The following KHDC1 variants were observed in gnomAD, a reference collection of about 807,000 sequenced individuals.
KHDC1 encodes the protein KH homology domain-containing protein 1.
KHDC1 carries 21 observed loss-of-function variants against 24.7 expected under a neutral mutation model. The ratio of observed to expected loss-of-function variants is 0.85; its 90% CI spans 0.60 to 1.23. The LOEUF is 1.23. KHDC1 is among the 50% of genes most tolerant of loss of function. The pLI is 0.00. For missense variants in KHDC1, 274 were observed against 298.5 expected (o/e 0.92, Z 0.61); for synonymous variants, 98 against 111.7 (o/e 0.88, Z 0.77).
chr6:73,280,739 C>T (rs1220349045), intron 2 of KHDC1, among the ~76,000 whole-genome samples: 1 of 151,850 alleles, frequency 6.6e-6, no homozygotes, highest in Non-Finnish European at 1.5e-5. Context: ...AGGCTGGTCT[C>T]AAACTCCAGA....
At chr6:73,279,323 G>A (rs35833551) in intron 2 of KHDC1, among the ~76,000 whole-genome samples, 4,733 of 152,168 alleles carry the variant, frequency 0.031, 109 homozygotes, top group Non-Finnish European at 0.049. Flanking sequence ...CAGGAGAATT[G>A]CTTGAACCTG....
rs369611184 is a variant in KHDC1 at position 73,248,090 on chromosome 6, G to A, written c.207-5560C>T. ...CCTCCAACAAGTCTGTTCAGGGACA[G>A]CAGTGGAGTCCCAGACCTGGCATCA... On this transcript the variant is annotated intron_variant, in intron 2 of 4. Transcript: ENST00000370384. 4.6e-5 allele frequency among the ~76,000 whole-genome samples: 7 copies of A among 152,288 alleles called. No individual in the cohort carries two copies. In the East Asian group the frequency reaches 9.7e-4, roughly 21 times the overall value.
At chr6:73,241,970 A>G in intron 4 of KHDC1, 85 bp downstream of exon 3, 1 of 1,413,646 alleles carries the variant, frequency 7.1e-7, no homozygotes, top group Non-Finnish European at 9.6e-7. Flanking sequence ...CACACAAGGG[A>G]TTCTTCAAGA....
intron 2 of KHDC1, among the ~76,000 whole-genome samples, chr6:73,281,403 G>T (rs1361727871): frequency 4.0e-5 from 6 of 150,900 alleles, no homozygotes. Flanking sequence ...TTTCCTGAAG[G>T]TCAAGAGTTC....
intron 1 of KHDC1, among the ~76,000 whole-genome samples, chr6:73,306,708 A>G (rs1404233011): frequency 6.6e-6 from 1 of 152,056 alleles, no homozygotes; most frequent in African/African-American, 2.4e-5. Flanking sequence ...GTTGAAGACT[A>G]TTTAGAAAAT....
chr6:73,243,170 T>A (rs1432993199), intron 2 of KHDC1, among the ~76,000 whole-genome samples: 4 of 150,246 alleles, frequency 2.7e-5, no homozygotes, highest in Non-Finnish European at 5.9e-5. Flanking sequence ...GTCTTCATTG[T>A]GGAATGTTCT....
At chr6:73,303,976 C>G (rs1344505204) in intron 1 of KHDC1, among the ~76,000 whole-genome samples, 1 of 152,052 alleles carries the variant, frequency 6.6e-6, no homozygotes, top group Admixed American at 6.6e-5. Context: ...GTCAAGAGCT[C>G]GAAACCAGCC....
intron 2 of KHDC1, among the ~76,000 whole-genome samples, chr6:73,281,602 A>T (rs1238698251): frequency 1.4e-5 from 2 of 142,904 alleles, no homozygotes; most frequent in Admixed American, 7.1e-5. Flanking sequence ...GGGCAGTAAG[A>T]GTGAAACTTC....
intron 2 of KHDC1, among the ~76,000 whole-genome samples, chr6:73,244,983 GA>G (rs1323538449): frequency 1.3e-5 from 2 of 152,096 alleles, no homozygotes; most frequent in African/African-American, 4.8e-5. Flanking sequence ...AAAAGCACAA[GA>G]AAGTTTTGCC....
At chr6:73,298,423 A>ATTTTTTTTTT (rs370446904) in intron 1 of KHDC1, among the ~76,000 whole-genome samples, 4 of 59,976 alleles carry the variant, frequency 6.7e-5, no homozygotes, top group East Asian at 6.2e-4. Flanking sequence ...TACTTTGCAA[A>ATTTTTTTTTT]TTTTTTTTTT....
chr6:73,274,007 C>T (rs1020272964), intron 2 of KHDC1: 9 of 152,194 alleles, frequency 5.9e-5, no homozygotes, highest in African/African-American at 2.2e-4. Context: ...GTCCCAGCTA[C>T]TTGGGAAGAT....
At chr6:73,304,383 A>G (rs914319590) in intron 1 of KHDC1, among the ~76,000 whole-genome samples, 5 of 152,182 alleles carry the variant, frequency 3.3e-5, no homozygotes, top group African/African-American at 1.2e-4. Context: ...TACATATAAA[A>G]TATGCATATA....
intron 1 of KHDC1, among the ~76,000 whole-genome samples, chr6:73,309,101 G>T (rs1768030178): frequency 6.6e-6 from 1 of 152,234 alleles, no homozygotes; most frequent in Non-Finnish European, 1.5e-5. Flanking sequence ...GATTACAGGC[G>T]TGAGCCAACG....
chr6:73,277,465 C>CA lies in KHDC1; in HGVS notation c.206+14532dup, dbSNP rs910800830. ...GGGTGACAGAGCAAGACTCTGTCTC[C>CA]AAAAAAAACAGAACAAGTCTGTCAT... On this transcript the variant is annotated intron_variant, in intron 2 of 4. Transcript: ENST00000370384. Among the ~76,000 whole-genome samples, 414 of 150,900 alleles carry CA rather than the reference C, an allele frequency of 2.7e-3. 1 individual carries two copies. Among genetic ancestry groups the CA allele is most frequent in the African/African-American group, 8.9e-3 (367 of 41,162 alleles).
At chr6:73,292,199 C>T in intron 1 of KHDC1, 1 of 1,470,154 alleles carries the variant, frequency 6.8e-7, no homozygotes, top group Non-Finnish European at 9.5e-7. Flanking sequence ...AGTTGTTGCA[C>T]AACTGAAACA....
chr6:73,274,544 GT>G (rs1176857354), intron 2 of KHDC1: 1 of 152,120 alleles, frequency 6.6e-6, no homozygotes, highest in Non-Finnish European at 1.5e-5. Context: ...CCCCCATGCT[GT>G]TCTCGTGATG....
intron 2 of KHDC1, among the ~76,000 whole-genome samples, chr6:73,263,616 G>T (rs1020217506): frequency 8.6e-5 from 13 of 151,420 alleles, no homozygotes; most frequent in Non-Finnish European, 1.6e-4. Flanking sequence ...CGCGGTGGGG[G>T]GGGGGGTGAC....
At chr6:73,282,187 C>T (rs544546917) in intron 2 of KHDC1, among the ~76,000 whole-genome samples, 2 of 139,400 alleles carry the variant, frequency 1.4e-5, no homozygotes, top group African/African-American at 5.2e-5. Flanking sequence ...CACTGCACTC[C>T]AGCCCAAGTG....
At chr6:73,251,878 C>A (rs1306128526) in intron 2 of KHDC1, among the ~76,000 whole-genome samples, 2 of 150,724 alleles carry the variant, frequency 1.3e-5, no homozygotes, top group Non-Finnish European at 1.5e-5. Flanking sequence ...GCTAACTGCA[C>A]CCTCAGCCTC....
Sources: gnomAD v4.1 joint callset for allele counts (sites outside exome capture counted in the v4.1 genomes callset) on GRCh38, gnomAD v4.1.1 for gene constraint, MANE v1.5 for transcripts, NCBI Gene and HGNC (gene_info 2026-07-23, HGNC 2026-07-21) for gene names.